The following COL6A2 variants were observed in gnomAD, a reference collection of about 807,000 sequenced individuals.
The protein encoded by COL6A2 is collagen alpha-2(VI) chain.
COL6A2 carries 90 observed loss-of-function variants against 124.9 expected under a neutral mutation model. The observed-to-expected ratio is 0.72, with a 90% CI of 0.61 to 0.86. COL6A2 has a LOEUF of 0.86. Ranked by LOEUF, COL6A2 falls within the 40% of genes least tolerant of loss-of-function variation. The pLI, the probability that COL6A2 is intolerant of heterozygous loss-of-function variation, is 0.00. For missense variants in COL6A2, 1,607 were observed against 1,502.5 expected (o/e 1.07, Z -1.15); for synonymous variants, 793 against 618.2 (o/e 1.28, Z -4.19).
chr21:46,124,279 A>G (rs1050901440), intron 21 of COL6A2, among the ~76,000 whole-genome samples: 5 of 150,656 alleles, frequency 3.3e-5, no homozygotes, highest in South Asian at 4.2e-4. Context: ...CTGGGTGGAT[A>G]GATGGATGGG....
chr21:46,127,372 G>C (rs2078688297), intron 27 of COL6A2, among the ~76,000 whole-genome samples: 1 of 152,134 alleles, frequency 6.6e-6, no homozygotes, highest in Non-Finnish European at 1.5e-5. Flanking sequence ...GGGTGAGCTG[G>C]GCCACTGAGC....
Position 46,119,770 on chromosome 21 carries a change from C to T in COL6A2, c.1270-18C>T, listed in dbSNP as rs1489872889. ...TGGACTCAGCCCCCTCCCTCACCCACACGCCTGTTCTCTGCAGGGGCGCAG... is the reference window on the plus strand; with the variant it reads ...TGGACTCAGCCCCCTCCCTCACCCATACGCCTGTTCTCTGCAGGGGCGCAG... On this transcript the variant is annotated intron_variant, in intron 14 of 27. Transcript: ENST00000300527. 6.4e-7 allele frequency: 1 copy of T among 1,555,854 alleles called. No individual in the cohort carries two copies. Among genetic ancestry groups the T allele is most frequent in the East Asian group, 2.4e-5 (1 of 42,110 alleles).
At position 46,121,128 on chromosome 21, in the gene COL6A2, G is replaced by A; in HGVS notation, c.1458+5G>A. On this transcript the variant is annotated splice_donor_5th_base_variant and intron_variant, in intron 17 of 27. Coordinates refer to ENST00000300527, the MANE Select transcript of COL6A2 (RefSeq NM_001849.4). ...CTTGGGGAGCCCGGAAAGCAGGTCA[G>A]TGTCAGTGCAGGAGGCCGGTGCCCT... 6.2e-7 allele frequency: 1 copy of A among 1,612,674 alleles called. No individual in the cohort carries two copies. The highest frequency in any genetic ancestry group is 8.5e-7 in the Non-Finnish European group (1 of 1,179,874).
intron 20 of COL6A2, 59 bp downstream of exon 20, chr21:46,122,590 G>C: frequency 1.9e-6 from 3 of 1,575,374 alleles, no homozygotes; most frequent in Non-Finnish European, 1.7e-6. Context: ...ACGCCCAATT[G>C]CTGGGAACAC....
chr21:46,125,049 G>A, intron 23 of COL6A2, 129 bp downstream of exon 23: 1 of 1,267,374 alleles, frequency 7.9e-7, no homozygotes. Flanking sequence ...CAGAGGGCAA[G>A]GTCAGAGAGC....
intron 27 of COL6A2, chr21:46,129,887 C>G (rs2078738298): frequency 9.9e-7 from 1 of 1,010,568 alleles, no homozygotes; most frequent in African/African-American, 1.7e-5. Flanking sequence ...GAGGCCCTTA[C>G]TTAGCGGCCC....
intron 27 of COL6A2, among the ~76,000 whole-genome samples, chr21:46,130,461 C>T (rs1188091832): frequency 6.6e-6 from 1 of 152,170 alleles, no homozygotes; most frequent in Non-Finnish European, 1.5e-5. Context: ...GACCATTTCT[C>T]AGGGCCAGGT....
chr21:46,124,122 GGTGGATGGATAGATGGGTAAGTGA>G (rs1205332992), intron 21 of COL6A2, among the ~76,000 whole-genome samples: 5 of 151,730 alleles, frequency 3.3e-5, no homozygotes, highest in East Asian at 1.9e-4. Context: ...TGAGTGGGTG[GGTGGATGGATAGATGGGTAAGTGA>G]GTGGATAGAT....
chr21:46,110,626 C>T (rs1427553535), intron 1 of COL6A2, among the ~76,000 whole-genome samples: 1 of 152,164 alleles, frequency 6.6e-6, no homozygotes, highest in Admixed American at 6.5e-5. Flanking sequence ...CTCCCCTAGT[C>T]CCGGTGCTTG....
At chr21:46,130,295 G>T (rs747013804) in intron 27 of COL6A2, among the ~76,000 whole-genome samples, 7 of 152,232 alleles carry the variant, frequency 4.6e-5, no homozygotes, top group African/African-American at 1.7e-4. Flanking sequence ...CAACCTCTGC[G>T]GTCCTCAGAG....
At chr21:46,130,116 T>C (rs1056431765) in intron 27 of COL6A2, among the ~76,000 whole-genome samples, 4 of 152,142 alleles carry the variant, frequency 2.6e-5, no homozygotes, top group African/African-American at 9.7e-5. Flanking sequence ...CAGATAGTCC[T>C]GGGGGAAGCT....
intron 4 of COL6A2, 72 bp downstream of exon 4, chr21:46,112,896 C>T (rs916948318): frequency 5.3e-5 from 84 of 1,585,516 alleles, no homozygotes; most frequent in South Asian, 2.1e-4. Context: ...GCCAGGCTGC[C>T]GACTCCTGGC....
rs560095085 is a variant in COL6A2, at chr21:46,132,699, C to A, written c.*147C>A. On this transcript the variant is annotated 3_prime_UTR_variant, in exon 28 of 28. Transcript: ENST00000300527. ...TCTCCAGCTCCTCCCACGGGGTCCC[C>A]GTAGCCCCGGCCCCCGCCCAGCCCC... 8.2e-5 allele frequency: 68 copies of A among 831,478 alleles called. No homozygotes were observed. Among genetic ancestry groups the A allele is most frequent in the South Asian group, 6.4e-4 (40 of 62,168 alleles). The allele number at this position is 831,478 out of a possible 1,614,324, so 51.5% of individuals were successfully genotyped here.
In COL6A2 at chr21:46,122,133, G is replaced by C. The variant is rs1490477042; in HGVS notation, c.1547G>C (p.Ser516Thr). ...PKGDPGRPGF[S>T]YPGPRGAPGE... ...GGAGACCCCGGCAGGCCTGGATTCAGCTACCCAGGACCCCGAGGAGCACCC... is the reference window on the plus strand; with the variant it reads ...GGAGACCCCGGCAGGCCTGGATTCACCTACCCAGGACCCCGAGGAGCACCC... Residue 516 changes from serine to threonine, a missense_variant, in exon 19 of 28, where the codon AGC becomes ACC. Coordinates refer to ENST00000300527, the MANE Select transcript of COL6A2 (RefSeq NM_001849.4). 1 of 1,612,752 alleles carries C rather than the reference G, an allele frequency of 6.2e-7. No homozygotes were observed. The highest frequency in any genetic ancestry group is 1.1e-5 in the South Asian group (1 of 91,072).
At chr21:46,124,061 C>T (rs1026793273) in intron 21 of COL6A2, among the ~76,000 whole-genome samples, 11 of 130,912 alleles carry the variant, frequency 8.4e-5, no homozygotes, top group East Asian at 8.2e-4. Flanking sequence ...GATGAGTGAA[C>T]GGATGGACCG....
intron 14 of COL6A2, 121 bp downstream of exon 14, chr21:46,119,240 C>A: frequency 1.3e-6 from 1 of 784,180 alleles, no homozygotes; most frequent in Non-Finnish European, 2.1e-6. Flanking sequence ...CAAGGCACAG[C>A]CAGGCCCCCA....
chr21:46,119,752 A>G (rs1403091458), intron 14 of COL6A2, 36 bp from the exon 15 acceptor site: 20 of 1,545,724 alleles, frequency 1.3e-5, no homozygotes, highest in Non-Finnish European at 1.1e-5. Flanking sequence ...GCTTGGACTC[A>G]GCCCCCTCCC....
intron 27 of COL6A2, chr21:46,129,112 C>T (rs2078720101): frequency 1.2e-6 from 2 of 1,606,054 alleles, no homozygotes; most frequent in East Asian, 2.2e-5. Flanking sequence ...TTCACTCTGG[C>T]CTCGCTGAGC....
At chr21:46,125,115 C>T (rs910566243) in intron 23 of COL6A2, 151 bp from the exon 24 acceptor site, 60 of 1,019,026 alleles carry the variant, frequency 5.9e-5, no homozygotes, top group Middle Eastern at 2.2e-4. Flanking sequence ...AGGGTGGCAG[C>T]GAGGTTGGTA....
Sources: gnomAD v4.1 joint callset for allele counts (sites outside exome capture counted in the v4.1 genomes callset) on GRCh38, gnomAD v4.1.1 for gene constraint, MANE v1.5 for transcripts, NCBI Gene and HGNC (gene_info 2026-07-23, HGNC 2026-07-21) for gene names.